XPR1: variants seen among roughly 807,000 people sequenced by gnomAD.
XPR1 encodes the protein xenotropic and polytropic retrovirus receptor 1, also known as solute carrier family 53 member 1.
Under a neutral mutation model 87.5 loss-of-function variants are expected in XPR1, and 28 were observed. That is an observed-to-expected ratio of 0.32 (90% CI 0.24 to 0.44). The LOEUF (loss-of-function observed/expected upper bound fraction) is 0.44. Ranked by LOEUF, XPR1 falls within the 20% of genes least tolerant of loss-of-function variation. XPR1 has a pLI of 1.00. For missense variants in XPR1, 559 were observed against 862.3 expected, an observed-to-expected ratio of 0.65 and a Z score of 4.41; for synonymous variants, 300 against 306.1, an observed-to-expected ratio of 0.98 and a Z score of 0.21.
chr1:180,788,080 C>T (rs923552507), intron 3 of XPR1, among the ~76,000 whole-genome samples: 11 of 152,156 alleles, frequency 7.2e-5, no homozygotes, highest in Admixed American at 7.2e-4. Flanking sequence ...GATATTGGGA[C>T]TTCGTTGAGA....
intron 6 of XPR1, among the ~76,000 whole-genome samples, chr1:180,810,442 A>G (rs557881319): frequency 6.6e-6 from 1 of 152,158 alleles, no homozygotes; most frequent in South Asian, 2.1e-4. Context: ...TTAGCTGGGC[A>G]TGGTGGCACA....
chr1:180,857,568 C>T (rs1354541989), intron 11 of XPR1, among the ~76,000 whole-genome samples: 1 of 152,120 alleles, frequency 6.6e-6, no homozygotes, highest in Non-Finnish European at 1.5e-5. Flanking sequence ...TCAAGTAGTA[C>T]CTCCTTCAGG....
intron 2 of XPR1, among the ~76,000 whole-genome samples, chr1:180,719,798 A>G (rs368611606): frequency 6.6e-6 from 1 of 152,202 alleles, no homozygotes; most frequent in Non-Finnish European, 1.5e-5. Flanking sequence ...GATTAGATAA[A>G]TAATAATCCT....
At chr1:180,784,712 T>C (rs1168646973) in intron 2 of XPR1, among the ~76,000 whole-genome samples, 3 of 152,062 alleles carry the variant, frequency 2.0e-5, no homozygotes, top group Non-Finnish European at 2.9e-5. Flanking sequence ...TGATGGCTGG[T>C]TCACCCAGCC....
chr1:180,748,728 T>C (rs892228098), intron 2 of XPR1, among the ~76,000 whole-genome samples: 2 of 152,254 alleles, frequency 1.3e-5, no homozygotes, highest in South Asian at 2.1e-4. Context: ...TTTATGTCTG[T>C]TATATCTGTA....
At chr1:180,683,287 A>G (rs1656648613) in intron 2 of XPR1, among the ~76,000 whole-genome samples, 1 of 152,124 alleles carries the variant, frequency 6.6e-6, no homozygotes, top group African/African-American at 2.4e-5. Context: ...CCTACAAAGG[A>G]CATGAACTCA....
chr1:180,682,878 A>G (rs1258850290), intron 2 of XPR1, among the ~76,000 whole-genome samples: 1 of 151,924 alleles, frequency 6.6e-6, no homozygotes, highest in Non-Finnish European at 1.5e-5. Context: ...ATACATGTGT[A>G]CATGTTCTCG....
intron 2 of XPR1, among the ~76,000 whole-genome samples, chr1:180,726,212 A>G (rs966691015): frequency 2.6e-5 from 4 of 152,218 alleles, no homozygotes; most frequent in African/African-American, 9.6e-5. Context: ...TCAGCACTCT[A>G]TAAAATGGAC....
intron 1 of XPR1, among the ~76,000 whole-genome samples, chr1:180,639,403 A>C (rs1238250550): frequency 6.6e-6 from 1 of 151,872 alleles, no homozygotes; most frequent in Non-Finnish European, 1.5e-5. Flanking sequence ...AAGAGGCTTA[A>C]TATATTGATT....
chr1:180,720,684 A>G (rs1658151750), intron 2 of XPR1, among the ~76,000 whole-genome samples: 1 of 152,186 alleles, frequency 6.6e-6, no homozygotes, highest in South Asian at 2.1e-4. Context: ...CTACTAAATC[A>G]GAAACTTCTG....
chr1:180,767,426 A>G (rs1189492402), intron 2 of XPR1, among the ~76,000 whole-genome samples: 1 of 152,212 alleles, frequency 6.6e-6, no homozygotes, highest in African/African-American at 2.4e-5. Context: ...CTGTTCAGTC[A>G]TTTTGATAGT....
chr1:180,877,901 T>C (rs562616985), intron 13 of XPR1: 1 of 152,234 alleles, frequency 6.6e-6, no homozygotes, highest in African/African-American at 2.4e-5. Context: ...AATAAGACGA[T>C]ATAAAGATAT....
chr1:180,856,014 C>T (rs1175905182), intron 11 of XPR1, among the ~76,000 whole-genome samples: 1 of 152,096 alleles, frequency 6.6e-6, no homozygotes, highest in Non-Finnish European at 1.5e-5. Flanking sequence ...TTCCTTCTAG[C>T]CTATGTACAT....
At chr1:180,678,470 A>C (rs892074363) in intron 1 of XPR1, among the ~76,000 whole-genome samples, 1 of 152,328 alleles carries the variant, frequency 6.6e-6, no homozygotes, top group South Asian at 2.1e-4. Flanking sequence ...GGTACTGGAC[A>C]CAAAGACCAA....
rs185341280 is a variant in XPR1, at chr1:180,731,590, T to C, written c.121+49179T>C. On this transcript the variant is annotated intron_variant, in intron 2 of 14. Transcript: ENST00000367590. ...CTTTAACAGCAGAAGGGTTAATTTC[T>C]ATGTCCATCCAAAAGAACAGTCTGT... Among the ~76,000 whole-genome samples, 172 of 152,352 alleles carry C rather than the reference T, an allele frequency of 1.1e-3. 1 individual carries two copies. Among genetic ancestry groups the C allele is most frequent in the Middle Eastern group, 0.01 (3 of 294 alleles).
At chr1:180,825,873 A>T (rs1470653356) in intron 9 of XPR1, among the ~76,000 whole-genome samples, 1 of 152,132 alleles carries the variant, frequency 6.6e-6, no homozygotes, top group Non-Finnish European at 1.5e-5. Flanking sequence ...CAACATGGTG[A>T]AACCCCGTCT....
intron 3 of XPR1, among the ~76,000 whole-genome samples, chr1:180,789,425 C>T (rs186795936): frequency 3.6e-4 from 53 of 147,410 alleles, no homozygotes; most frequent in East Asian, 1.2e-3. Flanking sequence ...AAACCTAATA[C>T]GAGTCTATGA....
Position 180,633,989 on chromosome 1 carries a change from A to G in XPR1, c.69+1719A>G, listed in dbSNP as rs961920696. Among the ~76,000 whole-genome samples the G allele has an allele frequency of 1.7e-4, 26 of 152,192 alleles. 1 individual carries two copies. The highest frequency in any genetic ancestry group is 5.1e-4 in the African/African-American group (21 of 41,450). ...ATTTTAGGTATTTCGACACTTAACTATTTCATGGAATTGTATTAATTTGCA... is the reference window on the plus strand; with the variant it reads ...ATTTTAGGTATTTCGACACTTAACTGTTTCATGGAATTGTATTAATTTGCA... On this transcript the variant is annotated intron_variant, in intron 1 of 14. Transcript: ENST00000367590.
At chr1:180,864,591 A>G (rs1324923477) in intron 12 of XPR1, among the ~76,000 whole-genome samples, 1 of 152,172 alleles carries the variant, frequency 6.6e-6, no homozygotes, top group Non-Finnish European at 1.5e-5. Context: ...TTCATCTAAT[A>G]TTTGTTAAAA....
Sources: gnomAD v4.1 joint callset for allele counts (sites outside exome capture counted in the v4.1 genomes callset) on GRCh38, gnomAD v4.1.1 for gene constraint, MANE v1.5 for transcripts, NCBI Gene and HGNC (gene_info 2026-07-23, HGNC 2026-07-21) for gene names.